KIAA0825: variants seen among roughly 807,000 people sequenced by gnomAD.
The protein encoded by KIAA0825 is uncharacterized protein KIAA0825.
In KIAA0825, 119 loss-of-function variants were observed where a neutral mutation model predicts 147.6. The observed-to-expected ratio is 0.81, with a 90% CI of 0.69 to 0.94. The LOEUF (loss-of-function observed/expected upper bound fraction) is 0.94, where lower values mean the gene tolerates loss of function less well. KIAA0825 is among the 40% of genes least tolerant of loss of function. KIAA0825 has a pLI of 0.00. For synonymous variants in KIAA0825, 470 were observed against 518.1 expected (o/e 0.91, Z 1.26); for missense variants, 1,381 against 1,472.7 (o/e 0.94, Z 1.02).
intron 14 of KIAA0825, among the ~76,000 whole-genome samples, chr5:94,425,577 C>A (rs1161641879): frequency 2.0e-5 from 3 of 152,100 alleles, no homozygotes; most frequent in Non-Finnish European, 4.4e-5. Flanking sequence ...CACCATTGCA[C>A]TCTAGCCTAG....
At chr5:94,608,464 T>TGTGTGTG (rs1168359016) in intron 1 of KIAA0825, among the ~76,000 whole-genome samples, 1 of 18,330 alleles carries the variant, frequency 5.5e-5, no homozygotes, top group African/African-American at 2.6e-4. Context: ...TATATATATA[T>TGTGTGTG]TATATATATA....
chr5:94,356,725 C>CTATTTTTTTTTTTTTTTTTTTTT (rs1784310693), intron 20 of KIAA0825, among the ~76,000 whole-genome samples: 1 of 116,738 alleles, frequency 8.6e-6, no homozygotes, highest in African/African-American at 3.4e-5. Flanking sequence ...AACTTGATTT[C>CTATTTTTTTTTTTTTTTTTTTTT]TTTTTTTTTT....
intron 20 of KIAA0825, among the ~76,000 whole-genome samples, chr5:94,240,340 A>C (rs1474322152): frequency 6.6e-6 from 1 of 152,222 alleles, no homozygotes; most frequent in Non-Finnish European, 1.5e-5. Flanking sequence ...ATTAGCATGC[A>C]TGGGCTGCTG....
At chr5:94,383,787 C>CTCTG (rs149366571) in intron 20 of KIAA0825, among the ~76,000 whole-genome samples, 1 of 145,352 alleles carries the variant, frequency 6.9e-6, no homozygotes, top group Non-Finnish European at 1.5e-5. Flanking sequence ...TTATACTGCT[C>CTCTG]TGTGTGTGTG....
chr5:94,211,004 C>G (rs1772660355), intron 20 of KIAA0825, among the ~76,000 whole-genome samples: 1 of 152,108 alleles, frequency 6.6e-6, no homozygotes, highest in South Asian at 2.1e-4. Context: ...ATTGCCCCAT[C>G]TTGTCTACCA....
At chr5:94,466,868 T>C (rs1760608701) in intron 10 of KIAA0825, among the ~76,000 whole-genome samples, 1 of 152,166 alleles carries the variant, frequency 6.6e-6, no homozygotes, top group African/African-American at 2.4e-5. Flanking sequence ...AAAGGAGTTT[T>C]AACGCTTGGT....
intron 3 of KIAA0825, among the ~76,000 whole-genome samples, chr5:94,525,710 T>C (rs1769143954): frequency 1.3e-5 from 2 of 151,996 alleles, no homozygotes; most frequent in South Asian, 2.1e-4. Flanking sequence ...TACAGCAATG[T>C]GAATTGGAAA....
chr5:94,449,935 C>G (rs1188636769), intron 13 of KIAA0825, among the ~76,000 whole-genome samples: 1 of 151,896 alleles, frequency 6.6e-6, no homozygotes, highest in Non-Finnish European at 1.5e-5. Flanking sequence ...AAAAAATTAG[C>G]TGGGCATGGT....
intron 3 of KIAA0825, among the ~76,000 whole-genome samples, chr5:94,532,686 G>A (rs1324565247): frequency 6.1e-5 from 9 of 148,562 alleles, no homozygotes; most frequent in Admixed American, 6.0e-4. Context: ...AACCAACCAA[G>A]CCTGGGCTAA....
At chr5:94,573,276 T>TA (rs1780325215) in intron 2 of KIAA0825, among the ~76,000 whole-genome samples, 1 of 149,264 alleles carries the variant, frequency 6.7e-6, no homozygotes, top group Admixed American at 6.6e-5. Context: ...AAGTGTTTTT[T>TA]TTTTTTTTTT....
In KIAA0825 at chr5:94,520,771, A is replaced by T. The variant is rs1376290318; in HGVS notation, c.447T>A (p.Val149=). 1 of 1,613,370 alleles carries T rather than the reference A, an allele frequency of 6.2e-7. No individual in the cohort carries two copies. The highest frequency in any genetic ancestry group is 2.2e-5 in the East Asian group (1 of 44,848). The change falls in exon 5 of 21, where the codon GTT becomes GTA. Residue 149 remains valine (V), a synonymous_variant. Coordinates refer to ENST00000682413, the MANE Select transcript of KIAA0825 (RefSeq NM_001145678.3). Reference sequence around the variant, plus strand: ...TGACATCCATAGAGGAATTATCTTCAACAGAATGAAGAGACGTCCTAGAGA... The same window carrying T: ...TGACATCCATAGAGGAATTATCTTCTACAGAATGAAGAGACGTCCTAGAGA... The part of the protein sequence containing the change: ...HFLSRTSLHS[V]EDNSSMDVKS...
chr5:94,489,829 T>C (rs1315948692), intron 5 of KIAA0825, among the ~76,000 whole-genome samples: 3 of 143,648 alleles, frequency 2.1e-5, no homozygotes, highest in African/African-American at 7.8e-5. Flanking sequence ...GAGGTTGCAG[T>C]GAGCCGAGAT....
intron 20 of KIAA0825, among the ~76,000 whole-genome samples, chr5:94,283,379 A>C (rs1777541369): frequency 1.3e-5 from 2 of 152,150 alleles, no homozygotes; most frequent in South Asian, 4.1e-4. Flanking sequence ...GTTCTCTGCT[A>C]TCCAGTGTAG....
chr5:94,573,756 G>C (rs1324492929), intron 2 of KIAA0825, among the ~76,000 whole-genome samples: 1 of 152,166 alleles, frequency 6.6e-6, no homozygotes, highest in Non-Finnish European at 1.5e-5. Context: ...ACAAAGAAAG[G>C]CCTTGCAGGG....
intron 20 of KIAA0825, among the ~76,000 whole-genome samples, chr5:94,258,991 A>C (rs1776369389): frequency 6.6e-6 from 1 of 151,996 alleles, no homozygotes; most frequent in Non-Finnish European, 1.5e-5. Flanking sequence ...TTTAAGGTAA[A>C]ATGCTGAATT....
chr5:94,489,378 A>G (rs1221394025), intron 5 of KIAA0825, among the ~76,000 whole-genome samples: 4 of 152,074 alleles, frequency 2.6e-5, no homozygotes, highest in Non-Finnish European at 5.9e-5. Context: ...CGAAGCCCAG[A>G]AATATTACTT....
In KIAA0825 at chr5:94,532,911, A is replaced by G. The variant is rs2151306329; in HGVS notation, c.131+4085T>C. ...CACACAGAAGTTGTCTATAATTAGA[A>G]AATGAAAATTTTTAAGATACAATTA... On this transcript the variant is annotated intron_variant, in intron 3 of 20. Coordinates refer to ENST00000682413, the MANE Select transcript of KIAA0825 (RefSeq NM_001145678.3). 2.0e-5 allele frequency among the ~76,000 whole-genome samples: 3 copies of G among 152,042 alleles called. No individual in the cohort carries two copies. In the South Asian group the frequency reaches 6.2e-4, roughly 32 times the overall value.
chr5:94,330,084 T>C (rs1481299455), intron 20 of KIAA0825, among the ~76,000 whole-genome samples: 2 of 152,182 alleles, frequency 1.3e-5, no homozygotes, highest in Admixed American at 6.5e-5. Context: ...GTATCCTGAT[T>C]TGATCACCAT....
At chr5:94,470,553 A>G (rs760398847) in intron 9 of KIAA0825, among the ~76,000 whole-genome samples, 1 of 152,242 alleles carries the variant, frequency 6.6e-6, no homozygotes, top group Admixed American at 6.5e-5. Context: ...AATTTTGTAG[A>G]TATCAATTAT....
Sources: allele counts gnomAD v4.1 joint callset (sites outside exome capture counted in the v4.1 genomes callset), GRCh38; gene constraint gnomAD v4.1.1; transcripts MANE v1.5; gene names NCBI Gene and HGNC (gene_info 2026-07-23, HGNC 2026-07-21).